Variants in LPP observed in about 807,000 individuals in gnomAD.
LPP encodes the protein lipoma-preferred partner.
A neutral mutation model predicts 60.4 loss-of-function variants in LPP; 38 were observed. The ratio of observed to expected loss-of-function variants is 0.63; its 90% confidence interval spans 0.49 to 0.83. LPP has a LOEUF of 0.83. LPP is among the 40% of genes least tolerant of loss of function. The probability of loss-of-function intolerance (pLI) is 0.00; values close to 1 mark genes in which losing one functional copy is unlikely to be tolerated. For missense variants in LPP, 902 were observed against 783.6 expected, an observed-to-expected ratio of 1.15 and a Z score of -1.80; for synonymous variants, 328 against 290.8, an observed-to-expected ratio of 1.13 and a Z score of -1.30.
chr3:188,260,907 T>C (rs973253854), intron 2 of LPP, among the ~76,000 whole-genome samples: 3 of 152,080 alleles, frequency 2.0e-5, no homozygotes, highest in East Asian at 3.9e-4. Context: ...TGGTGGTGCA[T>C]GCCTGTAGTC....
intron 2 of LPP, among the ~76,000 whole-genome samples, chr3:188,228,431 G>A (rs764771290): frequency 1.1e-4 from 16 of 152,108 alleles, no homozygotes; most frequent in Admixed American, 2.0e-4. Context: ...CTCTGTTAGG[G>A]AGTATAGGAA....
At chr3:188,679,986 T>A (rs1859108828) in intron 7 of LPP, among the ~76,000 whole-genome samples, 1 of 152,166 alleles carries the variant, frequency 6.6e-6, no homozygotes, top group African/African-American at 2.4e-5. Context: ...TCCTCTGGTA[T>A]GAGGAAGAAA....
rs752300715 is a variant in LPP at position 188,217,070 on chromosome 3, G to A, written c.-189-8335G>A. Among the ~76,000 whole-genome samples the A allele has an allele frequency of 6.6e-6, 1 of 152,202 alleles. No homozygotes were observed. Among genetic ancestry groups the A allele is most frequent in the African/African-American group, 2.4e-5 (1 of 41,444 alleles). On this transcript the variant is annotated intron_variant, in intron 1 of 11. Transcript: ENST00000617246. This position sits in a 1 kb window ranked among gnomAD's most constrained non-coding sequence, Gnocchi z 4.0. Reference sequence around the variant, plus strand: ...AACAACGATCTCTTGGTGCTTACACGCTGCTGCAGGTGTGTGAAGGAGGCA... The same window carrying A: ...AACAACGATCTCTTGGTGCTTACACACTGCTGCAGGTGTGTGAAGGAGGCA...
intron 7 of LPP, among the ~76,000 whole-genome samples, chr3:188,659,030 G>A (rs892053586): frequency 6.6e-6 from 1 of 152,196 alleles, no homozygotes; most frequent in African/African-American, 2.4e-5. Context: ...TGACCACAGA[G>A]CTAGCAGCCT....
At chr3:188,361,635 C>T (rs1373461335) in intron 3 of LPP, among the ~76,000 whole-genome samples, 3 of 149,194 alleles carry the variant, frequency 2.0e-5, no homozygotes, top group Admixed American at 6.8e-5. Flanking sequence ...GGCACAATCT[C>T]GGCTCACTGC....
At chr3:188,532,880 G>A (rs1338823314) in intron 6 of LPP, among the ~76,000 whole-genome samples, 1 of 152,080 alleles carries the variant, frequency 6.6e-6, no homozygotes, top group East Asian at 1.9e-4. Context: ...GAAGGTTGGG[G>A]GCTGGTCCTT....
chr3:188,689,034 C>T (rs558068713), intron 7 of LPP, among the ~76,000 whole-genome samples: 71 of 152,338 alleles, frequency 4.7e-4, no homozygotes, highest in African/African-American at 1.5e-3. Flanking sequence ...ATGTGATTGA[C>T]ACAGCAGGAG....
At chr3:188,215,133 C>T (rs1432974652) in intron 1 of LPP, among the ~76,000 whole-genome samples, 1 of 151,934 alleles carries the variant, frequency 6.6e-6, no homozygotes, top group African/African-American at 2.4e-5. Context: ...TGATGAATCC[C>T]CACCTCTACT....
At chr3:188,694,765 T>C (rs1219896616) in intron 7 of LPP, among the ~76,000 whole-genome samples, 4 of 152,108 alleles carry the variant, frequency 2.6e-5, no homozygotes, top group Non-Finnish European at 5.9e-5. Context: ...TCAGACCACC[T>C]GCATCAGAAT....
chr3:188,194,956 A>G (rs900919318), intron 1 of LPP, among the ~76,000 whole-genome samples: 2 of 152,160 alleles, frequency 1.3e-5, no homozygotes, highest in Admixed American at 1.3e-4. Flanking sequence ...AGTTGTTTTG[A>G]CCTAAGAAAG....
At chr3:188,215,186 G>A (rs1484410779) in intron 1 of LPP, among the ~76,000 whole-genome samples, 1 of 151,978 alleles carries the variant, frequency 6.6e-6, no homozygotes, top group African/African-American at 2.4e-5. Context: ...TGCACCTGTG[G>A]TCCCAGCTAC....
At chr3:188,293,019 C>T (rs1746548222) in intron 2 of LPP, among the ~76,000 whole-genome samples, 1 of 152,180 alleles carries the variant, frequency 6.6e-6, no homozygotes, top group Non-Finnish European at 1.5e-5. Flanking sequence ...AATGAAATCA[C>T]CAGCATTACA....
intron 7 of LPP, among the ~76,000 whole-genome samples, chr3:188,615,538 C>T (rs1844675424): frequency 6.6e-6 from 1 of 152,104 alleles, no homozygotes; most frequent in Non-Finnish European, 1.5e-5. Context: ...TTTCTAGAAA[C>T]ATATGTATGT....
At chr3:188,787,994 C>G (rs1742487946) in intron 9 of LPP, among the ~76,000 whole-genome samples, 1 of 152,188 alleles carries the variant, frequency 6.6e-6, no homozygotes, top group African/African-American at 2.4e-5. Context: ...CCTTTTAAAC[C>G]TGCTCCTCTC....
intron 4 of LPP, among the ~76,000 whole-genome samples, chr3:188,420,926 C>G (rs1237642047): frequency 6.6e-6 from 1 of 152,070 alleles, no homozygotes; most frequent in Non-Finnish European, 1.5e-5. Flanking sequence ...ATTCACACAA[C>G]AAATATTTGC....
intron 5 of LPP, among the ~76,000 whole-genome samples, chr3:188,511,012 C>T (rs888796127): frequency 6.6e-6 from 1 of 151,448 alleles, no homozygotes; most frequent in Non-Finnish European, 1.5e-5. Context: ...TGGCAGAGAA[C>T]CCCTGATCCA....
At chr3:188,458,997 T>A (rs1344393509) in intron 4 of LPP, among the ~76,000 whole-genome samples, 1 of 152,188 alleles carries the variant, frequency 6.6e-6, no homozygotes, top group African/African-American at 2.4e-5. Context: ...TCTACTATAG[T>A]TAACAAGTCA....
chr3:188,422,959 T>G (rs1299113643), intron 4 of LPP, among the ~76,000 whole-genome samples: 7 of 98,650 alleles, frequency 7.1e-5, no homozygotes, highest in Admixed American at 5.2e-4. Flanking sequence ...GTGTGTGTGT[T>G]TTAATTGTAC....
chr3:188,418,829 T>C (rs1787029227), intron 4 of LPP, among the ~76,000 whole-genome samples: 1 of 152,194 alleles, frequency 6.6e-6, no homozygotes, highest in Non-Finnish European at 1.5e-5. Flanking sequence ...ATTTGGAATT[T>C]TCCTTAGTTC....
Sources: allele counts gnomAD v4.1 joint callset (sites outside exome capture counted in the v4.1 genomes callset), GRCh38; gene constraint gnomAD v4.1.1; non-coding constraint Gnocchi (gnomAD v3.1); transcripts MANE v1.5; gene names NCBI Gene and HGNC (gene_info 2026-07-23, HGNC 2026-07-21).